WDR62: variants seen among roughly 807,000 people sequenced by gnomAD.
The protein encoded by WDR62 is WD repeat domain 62.
In WDR62, 112 loss-of-function variants were observed where a neutral mutation model predicts 160.6. The observed-to-expected ratio is 0.70, with a 90% CI of 0.60 to 0.82. WDR62 has a LOEUF of 0.82. Ranked by LOEUF, WDR62 falls within the 40% of genes least tolerant of loss-of-function variation. The probability of loss-of-function intolerance (pLI) is 0.00; values close to 1 mark genes in which losing one functional copy is unlikely to be tolerated. For synonymous variants in WDR62, 792 were observed against 815.1 expected (o/e 0.97, Z 0.48); for missense variants, 1,819 against 1,983.8 (o/e 0.92, Z 1.58).
chr19:36,101,108 T>C, intron 23 of WDR62, 106 bp from the exon 24 acceptor site: 3 of 1,224,018 alleles, frequency 2.5e-6, no homozygotes, highest in Non-Finnish European at 3.5e-6. Context: ...GTCGCAGTGC[T>C]CCTGCAGGAG....
intron 9 of WDR62, chr19:36,074,378 A>C (rs1568338105): frequency 6.5e-6 from 1 of 152,694 alleles, no homozygotes. Flanking sequence ...CTCTAAAGTT[A>C]ACCAGGCACA....
chr19:36,056,123 GCCACTGCACT>G lies in WDR62; in HGVS notation c.177+979_177+988del, dbSNP rs534399472. ...GGAGGTTGCAGTGAGCTGAGGTCAT[GCCACTGCACT>G]CCAGCCTGGGCGACAGAGTGAGACT... On this transcript the variant is annotated intron_variant, in intron 1 of 31. Coordinates refer to ENST00000401500, the MANE Select transcript of WDR62 (RefSeq NM_001083961.2). Among the ~76,000 whole-genome samples the G allele has an allele frequency of 1.4e-4, 21 of 152,314 alleles. No homozygotes were observed. The South Asian group carries it at 4.4e-3, about 32-fold the overall frequency.
At chr19:36,065,244 G>A (rs1230604332) in intron 3 of WDR62, among the ~76,000 whole-genome samples, 1 of 152,206 alleles carries the variant, frequency 6.6e-6, no homozygotes, top group African/African-American at 2.4e-5. Flanking sequence ...AATATTCCAT[G>A]AAGTTGCCAA....
chr19:36,106,599 C>T (rs1011184839), downstream of WDR62, among the ~76,000 whole-genome samples: 19 of 152,150 alleles, frequency 1.2e-4, no homozygotes, highest in African/African-American at 3.6e-4. Context: ...GAGGACATCT[C>T]AGGAACACAT....
chr19:36,058,910 G>T, intron 2 of WDR62, 39 bp downstream of exon 2: 1 of 1,551,214 alleles, frequency 6.4e-7, no homozygotes, highest in South Asian at 1.1e-5. Context: ...TCATTGCTAG[G>T]GAATTTGGAG....
chr19:36,067,683 C>G, intron 6 of WDR62, 145 bp from the exon 7 acceptor site: 1 of 1,080,600 alleles, frequency 9.3e-7, no homozygotes, highest in Admixed American at 2.0e-5. Context: ...CCCCTCTGTC[C>G]AGAGTGGCAG....
intron 1 of WDR62, among the ~76,000 whole-genome samples, chr19:36,055,564 C>A (rs2145489353): frequency 6.6e-6 from 1 of 152,364 alleles, no homozygotes; most frequent in African/African-American, 2.4e-5. Flanking sequence ...TGCCCCAACT[C>A]TTCCTCGCTT....
intron 13 of WDR62, 84 bp downstream of exon 13, chr19:36,086,896 A>G: frequency 6.6e-7 from 1 of 1,520,540 alleles, no homozygotes; most frequent in Non-Finnish European, 8.9e-7. Context: ...CCTGTAAAAT[A>G]TATATCCAAA....
At chr19:36,068,090 CCA>C (rs1971042845) in intron 7 of WDR62, 80 bp downstream of exon 7, 1 of 1,505,710 alleles carries the variant, frequency 6.6e-7, no homozygotes, top group Admixed American at 1.9e-5. Context: ...TCAGCATTGA[CCA>C]CACAGGTTCT....
intron 9 of WDR62, among the ~76,000 whole-genome samples, chr19:36,079,859 ATGT>A: frequency 6.6e-6 from 1 of 152,110 alleles, no homozygotes; most frequent in South Asian, 2.1e-4. Context: ...TTTGCTATAA[ATGT>A]TGTCTGTAGG....
At chr19:36,091,526 G>C in intron 18 of WDR62, 61 bp downstream of exon 18, 1 of 1,524,784 alleles carries the variant, frequency 6.6e-7, no homozygotes, top group Non-Finnish European at 9.1e-7. Context: ...CACTCAGCCT[G>C]CCTGTGTAGA....
intron 24 of WDR62, 73 bp from the exon 25 acceptor site, chr19:36,101,591 G>A (rs924982521): frequency 7.5e-6 from 9 of 1,200,096 alleles, no homozygotes; most frequent in Middle Eastern, 1.9e-4. Flanking sequence ...CTGAGCCCAG[G>A]GAAGGGTAGC....
chr19:36,084,530 G>T, intron 11 of WDR62, 123 bp from the exon 12 acceptor site: 1 of 854,582 alleles, frequency 1.2e-6, no homozygotes, highest in Non-Finnish European at 1.9e-6. Flanking sequence ...TGCATGTCTA[G>T]AGTATTTGGC....
intron 20 of WDR62, among the ~76,000 whole-genome samples, 174 bp from the exon 21 acceptor site, chr19:36,096,853 C>T (rs528362920): frequency 1.1e-4 from 16 of 152,350 alleles, no homozygotes; most frequent in African/African-American, 2.2e-4. Flanking sequence ...CGGTCAGTCT[C>T]GTGAGTCAAA....
chr19:36,103,365 G>A lies in WDR62; in HGVS notation c.3537G>A (p.Ala1179=), dbSNP rs201341594. ...CAGCTCCCTGCCTTACGAGCCTGGCGTCCTGTGTCCCTGCTTCCTCCGTGC... is the reference window on the plus strand; with the variant it reads ...CAGCTCCCTGCCTTACGAGCCTGGCATCCTGTGTCCCTGCTTCCTCCGTGC... ...RPPPPCLTSL[A]SCVPASSVLP... The change falls in exon 30 of 32, where the codon GCG becomes GCA. Residue 1179 remains alanine, a synonymous_variant. Transcript: ENST00000401500. The A allele has an allele frequency of 1.3e-4, 202 of 1,614,040 alleles. No homozygotes were observed. Among genetic ancestry groups the A allele is most frequent in the Non-Finnish European group, 1.6e-4 (183 of 1,180,010 alleles).
rs148798225 is a variant in WDR62 at position 36,088,513 on chromosome 19, G to C, written c.1769-525G>C. Among the ~76,000 whole-genome samples, 689 of 152,286 alleles carry C rather than the reference G, an allele frequency of 4.5e-3. 6 individuals carry two copies. Among genetic ancestry groups the C allele is most frequent in the South Asian group, 0.035 (168 of 4,830 alleles). On this transcript the variant is annotated intron_variant, in intron 13 of 31. Transcript: ENST00000401500. The stretch of plus-strand genomic sequence containing the variant: ...GACCTTGGCACCAGAGAATGCCTGG[G>C]TTCAGTCCTGCCCCTGTCCTCTCTG...
chr19:36,104,965 C>G lies in WDR62; in HGVS notation c.4509C>G (p.Ala1503=), dbSNP rs773007788. 2 of 1,605,882 alleles carry G rather than the reference C, an allele frequency of 1.2e-6. No individual in the cohort carries two copies. Among genetic ancestry groups the G allele is most frequent in the Non-Finnish European group, 1.7e-6 (2 of 1,177,884 alleles). Residue 1503 remains alanine (A), a synonymous_variant, in exon 32 of 32, where the codon GCC becomes GCG. Transcript: ENST00000401500. The stretch of plus-strand genomic sequence containing the variant: ...CCCTGGCCAGCCCAGACCTGCAGGC[C>G]CTGCTGGAACACTACTCGGAGCTGC... ...LYPLASPDLQ[A]LLEHYSELLV...
chr19:36,063,473 G>A (rs939311518), intron 3 of WDR62, among the ~76,000 whole-genome samples: 1 of 151,100 alleles, frequency 6.6e-6, no homozygotes, highest in African/African-American at 2.4e-5. Context: ...GGCTGGTCAC[G>A]AACTCCTGAC....
rs777857591 is a variant in WDR62, at chr19:36,055,126, C to G, written c.155C>G (p.Ser52Cys). 5 of 1,608,264 alleles carry G rather than the reference C, an allele frequency of 3.1e-6. No homozygotes were observed. The highest frequency in any genetic ancestry group is 4.2e-6 in the Non-Finnish European group (5 of 1,178,318). The change falls in exon 1 of 32, where the codon TCC (serine) becomes TGC (cysteine). Residue 52 changes from serine (S) to cysteine (C), a missense_variant. Around this residue, in one of 3 missense-constraint regions of WDR62, gnomAD observed 115 missense variants for 92.4 expected, o/e 1.24. Transcript: ENST00000401500. ...LRRRTRLSTA[S>C]EETVQNRVSL... The stretch of plus-strand genomic sequence containing the variant: ...CGGCGGACGCGACTCTCGACGGCCT[C>G]CGAGGAGACGGTGCAGAACCGGGTG...
Sources: allele counts gnomAD v4.1 joint callset (sites outside exome capture counted in the v4.1 genomes callset), GRCh38; gene constraint gnomAD v4.1.1; regional missense constraint gnomAD v4.1.1; transcripts MANE v1.5; gene names NCBI Gene and HGNC (gene_info 2026-07-23, HGNC 2026-07-21).